The following SCGB2B2 variants were observed in gnomAD, a reference collection of about 807,000 sequenced individuals.
SCGB2B2 encodes secretoglobin-like protein.
In SCGB2B2, 11 loss-of-function variants were observed where a neutral mutation model predicts 7.6. That is an observed-to-expected ratio of 1.45 (90% CI 0.91 to 2.40). The LOEUF is 2.40. Ranked by LOEUF, SCGB2B2 falls within the 30% of genes most tolerant of loss-of-function variation. The pLI is 0.00. For missense variants in SCGB2B2, 104 were observed against 115.4 expected (o/e 0.90, Z 0.45); for synonymous variants, 50 against 48.6 (o/e 1.03, Z -0.12).
In SCGB2B2 at chr19:34,612,018, A is replaced by ATTTTTTTTTTT. The variant is rs1568431496; in HGVS notation, c.-2031-15425_-2031-15424insAAAAAAAAAAA. ...ATTTTCATATATTTGTGTTTTAGAA[A>ATTTTTTTTTTT]ATTCTTTTTTTTTTTTTTTTTTTTT... On this transcript the variant is annotated intron_variant, in intron 1 of 3. Transcript: ENST00000601241. Among the ~76,000 whole-genome samples the ATTTTTTTTTTT allele has an allele frequency of 1.0e-4, 8 of 78,672 alleles. No homozygotes were observed. In the East Asian group the frequency reaches 1.7e-3, roughly 17 times the overall value. The allele number at this position is 78,672 out of a possible 152,430, so 51.6% of individuals were successfully genotyped here.
At chr19:34,614,784 T>A (rs1407481238) in intron 1 of SCGB2B2, among the ~76,000 whole-genome samples, 1 of 152,240 alleles carries the variant, frequency 6.6e-6, no homozygotes, top group Non-Finnish European at 1.5e-5. Context: ...CCCCTCCAGT[T>A]GGATATTCTT....
intron 1 of SCGB2B2, among the ~76,000 whole-genome samples, chr19:34,665,828 G>A (rs968697557): frequency 6.6e-6 from 1 of 152,004 alleles, no homozygotes; most frequent in African/African-American, 2.4e-5. Context: ...AGGTCCTCAG[G>A]GACCTGGCCC....
chr19:34,649,958 T>C (rs752122055), intron 1 of SCGB2B2, among the ~76,000 whole-genome samples: 4 of 151,226 alleles, frequency 2.6e-5, no homozygotes, highest in Non-Finnish European at 5.9e-5. Flanking sequence ...AAGTCAAGGG[T>C]GAACCCTCAG....
At chr19:34,616,264 A>G (rs1327533917) in intron 1 of SCGB2B2, among the ~76,000 whole-genome samples, 2 of 149,246 alleles carry the variant, frequency 1.3e-5, no homozygotes, top group Non-Finnish European at 3.0e-5. Context: ...GAATGGCCAC[A>G]CTGACTTACA....
intron 1 of SCGB2B2, among the ~76,000 whole-genome samples, chr19:34,659,199 A>G (rs888851593): frequency 1.3e-5 from 2 of 152,164 alleles, no homozygotes; most frequent in Non-Finnish European, 1.5e-5. Flanking sequence ...AATGGGCAAA[A>G]ACTGGAAGCA....
chr19:34,608,685 A>ATATATATATATATATAT (rs1489127995), intron 1 of SCGB2B2: 12 of 131,506 alleles, frequency 9.1e-5, no homozygotes, highest in Admixed American at 2.3e-4. Context: ...ATATATATAT[A>ATATATATATATATATAT]CCGTATTTTC....
At chr19:34,655,667 T>G (rs923716241) in intron 1 of SCGB2B2, among the ~76,000 whole-genome samples, 1 of 151,330 alleles carries the variant, frequency 6.6e-6, no homozygotes, top group African/African-American at 2.5e-5. Context: ...CGAAAAATAT[T>G]TTCTAAGTTG....
At chr19:34,597,867 T>G (rs72488805) in intron 1 of SCGB2B2, among the ~76,000 whole-genome samples, 12,860 of 152,092 alleles carry the variant, frequency 0.085, 706 homozygotes, top group East Asian at 0.24. Context: ...GCGTCTCTTG[T>G]GCCAAACAAC....
Position 34,596,286 on chromosome 19 carries a change from T to C in SCGB2B2, c.-1723A>G, listed in dbSNP as rs2065450179. On this transcript the variant is annotated 5_prime_UTR_variant, in exon 2 of 4. Coordinates refer to ENST00000601241, the MANE Select transcript of SCGB2B2 (RefSeq NM_001025591.4). Reference sequence around the variant, plus strand: ...GAGGATGGAGGCCACTGCCACTCCCTGGCCGGCCACCTGCTGTGTCGTCCC... The same window carrying C: ...GAGGATGGAGGCCACTGCCACTCCCCGGCCGGCCACCTGCTGTGTCGTCCC... The C allele has an allele frequency of 1.3e-5, 2 of 152,340 alleles. No homozygotes were observed. Among genetic ancestry groups the C allele is most frequent in the Non-Finnish European group, 2.9e-5 (2 of 68,120 alleles). The allele number at this position is 152,340 out of a possible 1,614,324, so 9.4% of individuals were successfully genotyped here.
At chr19:34,643,639 TATC>T (rs1471220362) in intron 1 of SCGB2B2, among the ~76,000 whole-genome samples, 4 of 152,152 alleles carry the variant, frequency 2.6e-5, no homozygotes, top group South Asian at 2.1e-4. Flanking sequence ...ACCCTGACCT[TATC>T]ATTACACATT....
intron 1 of SCGB2B2, among the ~76,000 whole-genome samples, chr19:34,636,188 G>T (rs990738896): frequency 6.6e-6 from 1 of 152,188 alleles, no homozygotes; most frequent in African/African-American, 2.4e-5. Context: ...TGGGTTCATT[G>T]CAAGACTCCT....
intron 1 of SCGB2B2, among the ~76,000 whole-genome samples, chr19:34,623,022 C>A (rs900832480): frequency 2.0e-5 from 3 of 150,504 alleles, no homozygotes; most frequent in Non-Finnish European, 4.4e-5. Context: ...AAAGAGTTTT[C>A]TTCTCCACTC....
chr19:34,627,368 CAT>C (rs1402328254), intron 1 of SCGB2B2, among the ~76,000 whole-genome samples: 1 of 152,172 alleles, frequency 6.6e-6, no homozygotes, highest in Non-Finnish European at 1.5e-5. Context: ...AGACCCATCT[CAT>C]GTGCAGAGAC....
At chr19:34,606,506 CTTTTCT>C (rs1423653183) in intron 1 of SCGB2B2, among the ~76,000 whole-genome samples, 4 of 124,608 alleles carry the variant, frequency 3.2e-5, no homozygotes, top group Non-Finnish European at 5.5e-5. Flanking sequence ...ACAGGTTTTT[CTTTTCT>C]TTTTCTTTTT....
intron 1 of SCGB2B2, among the ~76,000 whole-genome samples, chr19:34,603,142 T>A (rs2145792494): frequency 6.6e-6 from 1 of 152,344 alleles, no homozygotes; most frequent in South Asian, 2.1e-4. Flanking sequence ...GCACAATAGA[T>A]GTTCACCTGA....
At chr19:34,633,782 T>C (rs2066600206) in intron 1 of SCGB2B2, among the ~76,000 whole-genome samples, 1 of 42,126 alleles carries the variant, frequency 2.4e-5, no homozygotes, top group South Asian at 9.2e-4. Context: ...AATATCTCAA[T>C]AGAGCTTTAA....
At chr19:34,640,020 G>A (rs897462684) in intron 1 of SCGB2B2, among the ~76,000 whole-genome samples, 2 of 152,056 alleles carry the variant, frequency 1.3e-5, no homozygotes, top group African/African-American at 4.8e-5. Flanking sequence ...GGACTTTATG[G>A]CCAACCAAAC....
downstream of SCGB2B2, among the ~76,000 whole-genome samples, chr19:34,585,691 G>T (rs1043974559): frequency 1.8e-4 from 27 of 152,208 alleles, no homozygotes; most frequent in Non-Finnish European, 2.9e-5. Flanking sequence ...GGCTTGGGTT[G>T]AAGACGAAAG....
At position 34,616,566 on chromosome 19, in the gene SCGB2B2, T is replaced by C. The variant is rs563726322; in HGVS notation, c.-2031-19972A>G. ...TTTCTTGTAAATTTGTTTGAGTTCA[T>C]TGTAGATTCTGGATATTAGCCCTTT... On this transcript the variant is annotated intron_variant, in intron 1 of 3. Transcript: ENST00000601241. 2.1e-5 allele frequency among the ~76,000 whole-genome samples: 3 copies of C among 140,426 alleles called. No individual in the cohort carries two copies. In the East Asian group the frequency reaches 5.9e-4, roughly 28 times the overall value. The allele number at this position is 140,426 out of a possible 152,430, so 92.1% of individuals were successfully genotyped here.
Sources: gnomAD v4.1 joint callset for allele counts (sites outside exome capture counted in the v4.1 genomes callset) on GRCh38, gnomAD v4.1.1 for gene constraint, MANE v1.5 for transcripts, NCBI Gene and HGNC (gene_info 2026-07-23, HGNC 2026-07-21) for gene names.